The following B3GALT1 variants were observed in gnomAD, a reference collection of about 807,000 sequenced individuals.
B3GALT1 encodes beta-1,3-galactosyltransferase 1.
In B3GALT1, 10 loss-of-function variants were observed where a neutral mutation model predicts 23.2. The observed-to-expected ratio is 0.43, with a 90% CI of 0.27 to 0.73. The LOEUF is 0.73. Among genes scored for constraint, B3GALT1 ranks in the 30% least tolerant of loss-of-function variants. The pLI, the probability that B3GALT1 is intolerant of heterozygous loss-of-function variation, is 0.21. For synonymous variants in B3GALT1, 156 were observed against 141.5 expected (o/e 1.10, Z -0.73); for missense variants, 299 against 405.4 (o/e 0.74, Z 2.25).
chr2:167,316,447 G>A (rs1481399377), intron 1 of B3GALT1, among the ~76,000 whole-genome samples: 1 of 152,012 alleles, frequency 6.6e-6, no homozygotes, highest in Non-Finnish European at 1.5e-5. Context: ...ATCTAAAGAA[G>A]AGTGGTATCT....
At chr2:167,440,455 C>T (rs1698863177) in intron 1 of B3GALT1, among the ~76,000 whole-genome samples, 1 of 150,958 alleles carries the variant, frequency 6.6e-6, no homozygotes, top group Non-Finnish European at 1.5e-5. Context: ...TTTAATGTGA[C>T]AGAAGAGCTG....
At chr2:167,558,683 G>A (rs557884172) in intron 2 of B3GALT1, among the ~76,000 whole-genome samples, 40 of 152,318 alleles carry the variant, frequency 2.6e-4, no homozygotes, top group African/African-American at 8.9e-4. Context: ...AGGTTCCTAC[G>A]CCCATGGAGT....
intron 2 of B3GALT1, among the ~76,000 whole-genome samples, chr2:167,644,755 G>A (rs893475572): frequency 1.4e-5 from 2 of 139,216 alleles, no homozygotes; most frequent in Non-Finnish European, 3.0e-5. Context: ...ACTCCAGCCT[G>A]GGTGACAGAG....
chr2:167,562,657 T>TC (rs1184780718), intron 2 of B3GALT1, among the ~76,000 whole-genome samples: 2 of 151,442 alleles, frequency 1.3e-5, no homozygotes, highest in South Asian at 2.1e-4. Flanking sequence ...TTCTTTTTTT[T>TC]TTTTTTTTTA....
At chr2:167,419,214 G>C (rs1698512797) in intron 1 of B3GALT1, among the ~76,000 whole-genome samples, 1 of 152,156 alleles carries the variant, frequency 6.6e-6, no homozygotes, top group Admixed American at 6.5e-5. Flanking sequence ...AATTTAACCT[G>C]TTGAGAACTA....
intron 3 of B3GALT1, among the ~76,000 whole-genome samples, chr2:167,796,865 G>A (rs181439332): frequency 6.6e-6 from 1 of 152,264 alleles, no homozygotes; most frequent in Admixed American, 6.5e-5. Context: ...GATTATAGTA[G>A]ACATTAACAA....
chr2:167,750,871 A>G (rs1687724633), intron 3 of B3GALT1, among the ~76,000 whole-genome samples: 1 of 151,920 alleles, frequency 6.6e-6, no homozygotes. Flanking sequence ...CCAGAATCCT[A>G]TGCCACGGGC....
chr2:167,809,663 AC>A (rs1409739822), intron 3 of B3GALT1, among the ~76,000 whole-genome samples: 2 of 152,124 alleles, frequency 1.3e-5, no homozygotes, highest in African/African-American at 4.8e-5. Context: ...TCAGAGGAGT[AC>A]CCAGCCGTAT....
intron 2 of B3GALT1, among the ~76,000 whole-genome samples, chr2:167,587,619 G>A (rs909329962): frequency 1.3e-5 from 2 of 152,112 alleles, no homozygotes; most frequent in African/African-American, 2.4e-5. Context: ...TTTCTTCAGC[G>A]TTGACTTTTT....
intron 3 of B3GALT1, among the ~76,000 whole-genome samples, chr2:167,814,309 G>T (rs1383684338): frequency 6.6e-6 from 1 of 152,120 alleles, no homozygotes; most frequent in Non-Finnish European, 1.5e-5. Context: ...TTTCAGAAAG[G>T]CAGTAAGAAA....
intron 3 of B3GALT1, among the ~76,000 whole-genome samples, chr2:167,726,714 T>G (rs988571126): frequency 6.6e-6 from 1 of 152,228 alleles, no homozygotes; most frequent in African/African-American, 2.4e-5. Flanking sequence ...ATAACATGTC[T>G]AATTTAACAC....
chr2:167,293,612 G>T (rs1014303837), intron 1 of B3GALT1, among the ~76,000 whole-genome samples: 8 of 152,140 alleles, frequency 5.3e-5, no homozygotes, highest in African/African-American at 1.9e-4. Context: ...ACTTTGCAGC[G>T]AGAACAGTGG....
chr2:167,466,649 A>T (rs983997943), intron 1 of B3GALT1, among the ~76,000 whole-genome samples: 3 of 150,960 alleles, frequency 2.0e-5, no homozygotes, highest in Non-Finnish European at 4.4e-5. Flanking sequence ...ATGGTCTTGA[A>T]AATAAAAGCT....
At chr2:167,312,512 A>G (rs780745588) in intron 1 of B3GALT1, among the ~76,000 whole-genome samples, 8 of 152,040 alleles carry the variant, frequency 5.3e-5, no homozygotes, top group Non-Finnish European at 1.0e-4. Flanking sequence ...CACTCAGTCT[A>G]AAAGAGAACA....
chr2:167,411,215 T>A, intron 1 of B3GALT1, among the ~76,000 whole-genome samples: 1 of 148,934 alleles, frequency 6.7e-6, no homozygotes, highest in African/African-American at 2.5e-5. Context: ...AAGCTAAAAA[T>A]CTTCTGTATA....
At chr2:167,702,450 A>G (rs776721794) in intron 3 of B3GALT1, among the ~76,000 whole-genome samples, 13 of 152,250 alleles carry the variant, frequency 8.5e-5, no homozygotes, top group Non-Finnish European at 1.9e-4. Context: ...ATGGTATTGC[A>G]CAATATAGAT....
chr2:167,849,300 T>C (rs1387439292), intron 4 of B3GALT1, among the ~76,000 whole-genome samples: 2 of 152,134 alleles, frequency 1.3e-5, no homozygotes, highest in East Asian at 3.9e-4. Context: ...AGAACAAATC[T>C]GGAGGCATCA....
rs530916294 is a variant in B3GALT1, at chr2:167,537,825, C to CTTTTT, written c.-410+47562_-410+47566dup. On this transcript the variant is annotated intron_variant, in intron 2 of 4. Coordinates refer to ENST00000392690, the MANE Select transcript of B3GALT1 (RefSeq NM_020981.4). ...ATCTTTAAATTCCTGGATGCTTGTT[C>CTTTTT]TTTTTTTTTTTTTTTTTTGACAGAG... Among the ~76,000 whole-genome samples the CTTTTT allele has an allele frequency of 5.1e-4, 68 of 132,910 alleles. No homozygotes were observed. In the South Asian group the frequency reaches 0.012, roughly 23 times the overall value. 87.2% of individuals were successfully genotyped at this position (132,910 alleles called of 152,430 possible). A position where few individuals can be genotyped will look rare whatever the true frequency, so the allele number is the denominator to read the frequency against.
At chr2:167,627,405 T>G (rs1685366530) in intron 2 of B3GALT1, among the ~76,000 whole-genome samples, 1 of 151,708 alleles carries the variant, frequency 6.6e-6, no homozygotes, top group Non-Finnish European at 1.5e-5. Flanking sequence ...TGGAATGACA[T>G]GTAAATTGAA....
Sources: allele counts gnomAD v4.1 joint callset (sites outside exome capture counted in the v4.1 genomes callset), GRCh38; gene constraint gnomAD v4.1.1; transcripts MANE v1.5; gene names NCBI Gene and HGNC (gene_info 2026-07-23, HGNC 2026-07-21).